The following GIGYF2 variants were observed in gnomAD, a reference collection of about 807,000 sequenced individuals.
GIGYF2 encodes the protein GRB10-interacting GYF protein 2.
GIGYF2 carries 25 observed loss-of-function variants against 208.1 expected under a neutral mutation model. The ratio of observed to expected loss-of-function variants is 0.12; its 90% confidence interval spans 0.09 to 0.17. The LOEUF is 0.17. GIGYF2 is among the 10% of genes least tolerant of loss of function. GIGYF2 has a pLI of 1.00. For synonymous variants in GIGYF2, 534 were observed against 543.8 expected (o/e 0.98, Z 0.25); for missense variants, 1,302 against 1,579.4 (o/e 0.82, Z 2.98).
chr2:232,742,716 T>C (rs1405107783), intron 3 of GIGYF2, among the ~76,000 whole-genome samples: 1 of 152,170 alleles, frequency 6.6e-6, no homozygotes. Context: ...TTAAAACTAA[T>C]AGGACATGGT....
Position 232,858,947 on chromosome 2 carries a change from G to A in GIGYF2, c.*2087G>A, listed in dbSNP as rs1690674495. The A allele has an allele frequency of 6.2e-6, 1 of 160,948 alleles. No homozygotes were observed. Among genetic ancestry groups the A allele is most frequent in the African/African-American group, 2.4e-5 (1 of 41,554 alleles). The allele number at this position is 160,948 out of a possible 1,614,324, so 10.0% of individuals were successfully genotyped here. A position where few individuals can be genotyped will look rare whatever the true frequency, so the allele number is the denominator to read the frequency against. On this transcript the variant is annotated 3_prime_UTR_variant, in exon 29 of 29. Coordinates refer to ENST00000373563, the MANE Select transcript of GIGYF2 (RefSeq NM_001103146.3). ...GAGCTTGCCCACACCTTCCCAACTA[G>A]ACTCTGTGTGTGTATTCAGGAAAAA...
intron 8 of GIGYF2, among the ~76,000 whole-genome samples, chr2:232,778,898 A>C (rs905598230): frequency 2.0e-5 from 3 of 152,170 alleles, no homozygotes; most frequent in African/African-American, 2.4e-5. Flanking sequence ...TTAATCTCTT[A>C]TGTGATAAGG....
chr2:232,844,903 C>T (rs1189140513), intron 25 of GIGYF2, among the ~76,000 whole-genome samples: 3 of 152,046 alleles, frequency 2.0e-5, no homozygotes, highest in Non-Finnish European at 4.4e-5. Context: ...AGCATTTTTC[C>T]TATATTTGTA....
intron 5 of GIGYF2, among the ~76,000 whole-genome samples, chr2:232,753,629 C>G (rs141665845): frequency 6.6e-6 from 1 of 152,240 alleles, no homozygotes; most frequent in East Asian, 1.9e-4. Flanking sequence ...AGACACTGTT[C>G]TAAGCACTTA....
chr2:232,830,906 A>G (rs1194197601), intron 21 of GIGYF2, among the ~76,000 whole-genome samples: 8 of 152,250 alleles, frequency 5.3e-5, no homozygotes, highest in Admixed American at 1.3e-4. Flanking sequence ...CTTGGCTATG[A>G]CAGTTTCTTA....
chr2:232,830,039 G>T (rs751675921), intron 21 of GIGYF2, among the ~76,000 whole-genome samples: 1 of 152,078 alleles, frequency 6.6e-6, no homozygotes, highest in Non-Finnish European at 1.5e-5. Context: ...GAGTGCAGTG[G>T]TGTGATTATA....
At chr2:232,755,596 C>T (rs1698503424) in intron 5 of GIGYF2, among the ~76,000 whole-genome samples, 1 of 152,206 alleles carries the variant, frequency 6.6e-6, no homozygotes, top group Non-Finnish European at 1.5e-5. Context: ...GGTGCAAATG[C>T]AGGTTAATAA....
chr2:232,793,669 T>C (rs889281666), intron 12 of GIGYF2, among the ~76,000 whole-genome samples: 6 of 152,010 alleles, frequency 3.9e-5, no homozygotes, highest in East Asian at 3.9e-4. Context: ...AGAATGAAAA[T>C]TGAAAAGATT....
At chr2:232,743,850 A>T (rs1274550031) in intron 3 of GIGYF2, among the ~76,000 whole-genome samples, 1 of 151,772 alleles carries the variant, frequency 6.6e-6, no homozygotes, top group Non-Finnish European at 1.5e-5. Context: ...TTATTTTTGT[A>T]TTTTTTATTT....
chr2:232,811,481 A>G (rs1700733111), intron 17 of GIGYF2, 130 bp downstream of exon 17: 1 of 685,062 alleles, frequency 1.5e-6, no homozygotes, highest in East Asian at 2.8e-5. Flanking sequence ...TGCATGTTGT[A>G]TGTAAAAAAG....
At chr2:232,797,264 A>G (rs1046843728) in intron 14 of GIGYF2, among the ~76,000 whole-genome samples, 4 of 152,162 alleles carry the variant, frequency 2.6e-5, no homozygotes, top group African/African-American at 7.2e-5. Flanking sequence ...TGCTTTTGAA[A>G]TCTATCCTGT....
At position 232,819,871 on chromosome 2, in the gene GIGYF2, G is replaced by T; in HGVS notation, c.2415G>T (p.Arg805Ser). 6.3e-7 allele frequency: 1 copy of T among 1,595,734 alleles called. No homozygotes were observed. Among genetic ancestry groups the T allele is most frequent in the South Asian group, 1.1e-5 (1 of 90,672 alleles). The change falls in exon 21 of 29, where the codon AGG (arginine) becomes AGT (serine). Residue 805 changes from arginine (R) to serine (S), a missense_variant. This residue lies in a region of GIGYF2 where 701 missense variants were observed against 793.0 expected (regional missense o/e 0.88). Coordinates refer to ENST00000373563, the MANE Select transcript of GIGYF2 (RefSeq NM_001103146.3). ...RRQREQEIAL[R>S]RQREEEERQQ... ...AGCGGGAGCAAGAAATTGCATTAAGGCGACAGCGAGAAGAGGAAGAAAGAC... is the reference window on the plus strand; with the variant it reads ...AGCGGGAGCAAGAAATTGCATTAAGTCGACAGCGAGAAGAGGAAGAAAGAC...
At chr2:232,838,787 C>G (rs1406457058) in intron 22 of GIGYF2, among the ~76,000 whole-genome samples, 2 of 152,110 alleles carry the variant, frequency 1.3e-5, no homozygotes, top group African/African-American at 4.8e-5. Context: ...CTCCCTCCCC[C>G]AGTCTTTGTT....
chr2:232,794,407 G>T (rs189196500), intron 12 of GIGYF2, among the ~76,000 whole-genome samples: 1 of 152,286 alleles, frequency 6.6e-6, no homozygotes, highest in East Asian at 1.9e-4. Flanking sequence ...AGGGTGCATT[G>T]TTAACTTTTA....
intron 5 of GIGYF2, among the ~76,000 whole-genome samples, chr2:232,749,912 G>A (rs1222533678): frequency 1.3e-5 from 2 of 152,060 alleles, no homozygotes; most frequent in African/African-American, 4.8e-5. Context: ...GGGGCCAGAC[G>A]CATGACTCAC....
At chr2:232,727,964 A>G (rs879794675) in intron 2 of GIGYF2, among the ~76,000 whole-genome samples, 1 of 151,610 alleles carries the variant, frequency 6.6e-6, no homozygotes, top group Admixed American at 6.6e-5. Flanking sequence ...TTTGAAAAAT[A>G]CCCGCAACAT....
chr2:232,828,370 A>AC (rs1701314495), intron 21 of GIGYF2, among the ~76,000 whole-genome samples: 2 of 143,420 alleles, frequency 1.4e-5, no homozygotes, highest in African/African-American at 2.6e-5. Flanking sequence ...AAATTTATTG[A>AC]CTTTTTTTTT....
Position 232,702,779 on chromosome 2 carries a change from C to T in GIGYF2, c.-109-645C>T, listed in dbSNP as rs138697684. On this transcript the variant is annotated intron_variant, in intron 1 of 28. Transcript: ENST00000373563. Reference sequence around the variant, plus strand: ...GCATAGGATGCATATTGCTGTGATGCGGCTTTTGTTTTTCTGTTAGATATA... The same window carrying T: ...GCATAGGATGCATATTGCTGTGATGTGGCTTTTGTTTTTCTGTTAGATATA... 3.6e-3 allele frequency among the ~76,000 whole-genome samples: 546 copies of T among 152,150 alleles called. 6 individuals carry two copies. The highest frequency in any genetic ancestry group is 0.013 in the African/African-American group (526 of 41,522).
In GIGYF2 at chr2:232,858,728, G is replaced by GGCTGC. The variant is rs1275494125; in HGVS notation, c.*1870_*1871insTGCGC. The GGCTGC allele has an allele frequency of 2.8e-6, 1 of 354,446 alleles. No homozygotes were observed. 22.0% of individuals were successfully genotyped at this position (354,446 alleles called of 1,614,324 possible). On this transcript the variant is annotated 3_prime_UTR_variant, in exon 29 of 29. Transcript: ENST00000373563. ...AAGCTCCAAGCACCCAAGACATGGA[G>GGCTGC]GCAGCCATGGCTTCTTTCTCTGCCA... is the stretch of plus-strand genomic sequence containing the variant.
Sources: gnomAD v4.1 joint callset for allele counts (sites outside exome capture counted in the v4.1 genomes callset) on GRCh38, gnomAD v4.1.1 for gene constraint, gnomAD v4.1.1 regional missense constraint, MANE v1.5 for transcripts, NCBI Gene and HGNC (gene_info 2026-07-23, HGNC 2026-07-21) for gene names.